The following TTLL11 variants were observed in gnomAD, a reference collection of about 807,000 sequenced individuals.
The protein encoded by TTLL11 is tubulin tyrosine ligase like 11, also known as tubulin polyglutamylase TTLL11.
A neutral mutation model predicts 51.7 loss-of-function variants in TTLL11; 42 were observed. The observed-to-expected ratio is 0.81, with a 90% CI of 0.64 to 1.05. The LOEUF (loss-of-function observed/expected upper bound fraction) is 1.05, where lower values mean the gene tolerates loss of function less well. Among genes scored for constraint, TTLL11 ranks in the 50% least tolerant of loss-of-function variants. The pLI is 0.00. For missense variants in TTLL11, 799 were observed against 940.4 expected (o/e 0.85, Z 1.97); for synonymous variants, 381 against 383.5 (o/e 0.99, Z 0.08).
At chr9:121,905,787 C>A (rs766879789) in intron 6 of TTLL11, among the ~76,000 whole-genome samples, 2 of 152,108 alleles carry the variant, frequency 1.3e-5, no homozygotes, top group Non-Finnish European at 2.9e-5. Flanking sequence ...CTTGGATGAA[C>A]CTATTTGTGC....
intron 1 of TTLL11, among the ~76,000 whole-genome samples, chr9:122,053,770 C>T (rs972227478): frequency 3.3e-5 from 5 of 152,188 alleles, no homozygotes; most frequent in African/African-American, 9.6e-5. Flanking sequence ...ACACACTTCA[C>T]AGTGCCCTTC....
chr9:121,938,749 ACACCATTTGATATG>A (rs1426397782), intron 6 of TTLL11, among the ~76,000 whole-genome samples: 1 of 151,462 alleles, frequency 6.6e-6, no homozygotes, highest in Non-Finnish European at 1.5e-5. Flanking sequence ...AAGCAATATG[ACACCATTTGATATG>A]CCTCAGATTG....
In TTLL11 at chr9:121,995,755, A is replaced by C. The variant is rs1051346596; in HGVS notation, c.694-5985T>G. On this transcript the variant is annotated intron_variant, in intron 3 of 8. Coordinates refer to ENST00000321582, the MANE Select transcript of TTLL11 (RefSeq NM_001139442.2). The surrounding 1 kb of genome is among the most constrained non-coding windows in gnomAD (Gnocchi z 4.4). ...CATCGGAACCAGGCCAGGTTGTCCGATATCTCCTACAGATGATTAATTCTG... is the reference window on the plus strand; with the variant it reads ...CATCGGAACCAGGCCAGGTTGTCCGCTATCTCCTACAGATGATTAATTCTG... 1.3e-5 allele frequency among the ~76,000 whole-genome samples: 2 copies of C among 152,206 alleles called. No individual in the cohort carries two copies. The highest frequency in any genetic ancestry group is 4.8e-5 in the African/African-American group (2 of 41,446).
rs1174028544 is a variant in TTLL11 at position 122,093,229 on chromosome 9, C to T, written c.-81G>A. Reference sequence around the variant, plus strand: ...CCGCCCCAGTCCGCCACCAAACTGCCGCCGCTGCAGCCGCTGCCACGCGTT... The same window carrying T: ...CCGCCCCAGTCCGCCACCAAACTGCTGCCGCTGCAGCCGCTGCCACGCGTT... On this transcript the variant is annotated 5_prime_UTR_variant, in exon 1 of 9. Transcript: ENST00000321582. 5 of 1,494,106 alleles carry T rather than the reference C, an allele frequency of 3.3e-6. No individual in the cohort carries two copies. The highest frequency in any genetic ancestry group is 4.4e-6 in the Non-Finnish European group (5 of 1,132,056). The allele number at this position is 1,494,106 out of a possible 1,614,324, so 92.6% of individuals were successfully genotyped here.
At chr9:122,011,805 A>G (rs1203740050) in intron 3 of TTLL11, among the ~76,000 whole-genome samples, 2 of 152,220 alleles carry the variant, frequency 1.3e-5, no homozygotes, top group Non-Finnish European at 2.9e-5. Context: ...GCTAAAAGAA[A>G]AAGAAGGGAT....
At chr9:121,932,414 C>G (rs1178209922) in intron 6 of TTLL11, among the ~76,000 whole-genome samples, 1 of 152,214 alleles carries the variant, frequency 6.6e-6, no homozygotes, top group Non-Finnish European at 1.5e-5. Flanking sequence ...GAGTACATAA[C>G]AGGTTCTCAG....
chr9:121,883,195 C>T (rs1215735865), intron 6 of TTLL11, among the ~76,000 whole-genome samples: 1 of 152,080 alleles, frequency 6.6e-6, no homozygotes, highest in African/African-American at 2.4e-5. Context: ...ATTCTGGTTC[C>T]ACCCCTTACC....
intron 6 of TTLL11, among the ~76,000 whole-genome samples, chr9:121,883,337 G>GC (rs1838871348): frequency 6.6e-6 from 1 of 152,134 alleles, no homozygotes; most frequent in Non-Finnish European, 1.5e-5. Flanking sequence ...CAAGGGGCTG[G>GC]CACCCTGGTT....
At chr9:121,858,333 G>C (rs545842907) in intron 8 of TTLL11, among the ~76,000 whole-genome samples, 2 of 152,098 alleles carry the variant, frequency 1.3e-5, no homozygotes, top group African/African-American at 4.8e-5. Flanking sequence ...GAACGGGCTC[G>C]GGTGGATTGG....
At chr9:121,929,030 C>A (rs1337741056) in intron 6 of TTLL11, among the ~76,000 whole-genome samples, 2 of 152,190 alleles carry the variant, frequency 1.3e-5, no homozygotes, top group East Asian at 3.9e-4. Flanking sequence ...CTATCAGAGA[C>A]AACCTTTGTG....
chr9:121,863,136 C>T (rs1197501535), intron 7 of TTLL11, among the ~76,000 whole-genome samples: 1 of 152,150 alleles, frequency 6.6e-6, no homozygotes, highest in Non-Finnish European at 1.5e-5. Context: ...AATCACGAGT[C>T]GCGGTGGCAG....
chr9:121,885,901 G>T (rs997569327), intron 6 of TTLL11, among the ~76,000 whole-genome samples: 3 of 152,138 alleles, frequency 2.0e-5, no homozygotes, highest in Admixed American at 1.3e-4. Flanking sequence ...CCTAGTTTTG[G>T]TATCTTTAGT....
chr9:121,973,599 CA>C (rs1842626910), intron 6 of TTLL11, among the ~76,000 whole-genome samples: 1 of 140,412 alleles, frequency 7.1e-6, no homozygotes, highest in Admixed American at 7.3e-5. Flanking sequence ...GTTGTGGGGT[CA>C]GGGGAGGGGG....
Position 121,989,435 on chromosome 9 carries a change from G to A in TTLL11, c.1029C>T (p.Thr343=), listed in dbSNP as rs143900251. The A allele has an allele frequency of 8.7e-6, 14 of 1,614,028 alleles. No individual in the cohort carries two copies. The highest frequency in any genetic ancestry group is 1.7e-5 in the Admixed American group (1 of 59,992). Residue 343 remains threonine (T), a synonymous_variant, in exon 4 of 9, where the codon ACC becomes ACT. Coordinates refer to ENST00000321582, the MANE Select transcript of TTLL11 (RefSeq NM_001139442.2). This position sits in a 1 kb window ranked among gnomAD's most constrained non-coding sequence, Gnocchi z 4.2. ...KNLHRIFMHL[T]NYSLNIHSGN... is the part of the protein sequence containing the mutation. Reference sequence around the variant, plus strand: ...CGCTGTGGATGTTCAGTGAATAGTTGGTTAAGTGCATAAAGATGCGGTGCA... The same window carrying A: ...CGCTGTGGATGTTCAGTGAATAGTTAGTTAAGTGCATAAAGATGCGGTGCA...
intron 3 of TTLL11, among the ~76,000 whole-genome samples, chr9:121,997,984 G>C (rs922788128): frequency 1.3e-5 from 2 of 152,132 alleles, no homozygotes; most frequent in Non-Finnish European, 2.9e-5. Context: ...TCCTCCCCCA[G>C]GTCTCCTACT....
Position 121,966,553 on chromosome 9 carries a change from C to T in TTLL11, c.1481+7456G>A, listed in dbSNP as rs112929515. Among the ~76,000 whole-genome samples the T allele has an allele frequency of 5.8e-3, 880 of 152,314 alleles. 9 individuals are homozygous for T. Among genetic ancestry groups the T allele is most frequent in the African/African-American group, 0.02 (845 of 41,550 alleles). ...AATTGAGATTGCAATTTATTTACTT[C>T]TGCCTCTGACAGAAGTTTTAAAAAG... On this transcript the variant is annotated intron_variant, in intron 6 of 8. Transcript: ENST00000321582.
chr9:121,822,913 A>C lies in TTLL11; in HGVS notation c.1841-34T>G. On this transcript the variant is annotated intron_variant, in intron 8 of 8. Coordinates refer to ENST00000321582, the MANE Select transcript of TTLL11 (RefSeq NM_001139442.2). The surrounding 1 kb of genome is among the most constrained non-coding windows in gnomAD (Gnocchi z 5.8). ...AAAGAGACTGGATGAGGGGGTGCAC[A>C]CAGCTGCCCTACGCTGCCCTGGGAA... The C allele has an allele frequency of 5.9e-6, 9 of 1,524,456 alleles. No individual in the cohort carries two copies. Among genetic ancestry groups the C allele is most frequent in the Non-Finnish European group, 7.9e-6 (9 of 1,133,264 alleles). 94.4% of individuals were successfully genotyped at this position (1,524,456 alleles called of 1,614,324 possible).
chr9:122,034,447 A>T (rs1440403202), intron 2 of TTLL11, among the ~76,000 whole-genome samples: 1 of 152,176 alleles, frequency 6.6e-6, no homozygotes, highest in Non-Finnish European at 1.5e-5. Context: ...GCACCCCTGG[A>T]AGCCAGGCAC....
At chr9:121,850,055 GTTATA>G (rs1455398594) in intron 8 of TTLL11, among the ~76,000 whole-genome samples, 4 of 117,720 alleles carry the variant, frequency 3.4e-5, no homozygotes, top group Non-Finnish European at 5.3e-5. Context: ...TTTTAAAATT[GTTATA>G]TTATTTTTTA....
Sources: allele counts gnomAD v4.1 joint callset (sites outside exome capture counted in the v4.1 genomes callset), GRCh38; gene constraint gnomAD v4.1.1; non-coding constraint Gnocchi (gnomAD v3.1); transcripts MANE v1.5; gene names NCBI Gene and HGNC (gene_info 2026-07-23, HGNC 2026-07-21).